DLC1: variants seen among roughly 807,000 people sequenced by gnomAD.
The protein encoded by DLC1 is DLC1 Rho GTPase activating protein, also known as rho GTPase-activating protein 7.
DLC1 carries 54 observed loss-of-function variants against 140.3 expected under a neutral mutation model. The ratio of observed to expected loss-of-function variants is 0.38; its 90% CI spans 0.31 to 0.48. The LOEUF is 0.48. Ranked by LOEUF, DLC1 falls within the 20% of genes least tolerant of loss-of-function variation. DLC1 has a pLI of 0.96. For missense variants in DLC1, 2,536 were observed against 1,907.0 expected, an observed-to-expected ratio of 1.33 and a Z score of -6.14; for synonymous variants, 986 against 728.1, an observed-to-expected ratio of 1.35 and a Z score of -5.70.
At chr8:13,157,648 TA>T (rs1824350630) in intron 5 of DLC1, among the ~76,000 whole-genome samples, 4 of 152,178 alleles carry the variant, frequency 2.6e-5, no homozygotes, top group Non-Finnish European at 5.9e-5. Flanking sequence ...GGCAGAGGTC[TA>T]AAAAGGGATG....
intron 2 of DLC1, among the ~76,000 whole-genome samples, chr8:13,444,315 G>A (rs981935123): frequency 6.6e-6 from 1 of 152,094 alleles, no homozygotes; most frequent in African/African-American, 2.4e-5. Context: ...TGCGGGTTGG[G>A]GGAGGGATAG....
chr8:13,393,745 G>C (rs770786686), intron 3 of DLC1, 52 bp from the exon 4 acceptor site: 2 of 1,571,350 alleles, frequency 1.3e-6, no homozygotes, highest in South Asian at 2.4e-5. Flanking sequence ...GTTCCCAAAT[G>C]CCCTTCTTCC....
At position 13,514,799 on chromosome 8, in the gene DLC1, G is replaced by C; in HGVS notation, c.-323C>G. The C allele has an allele frequency of 2.5e-6, 1 of 396,120 alleles. No homozygotes were observed. Among genetic ancestry groups the C allele is most frequent in the Non-Finnish European group, 4.4e-6 (1 of 224,846 alleles). The allele number at this position is 396,120 out of a possible 1,614,324, so 24.5% of individuals were successfully genotyped here. A position where few individuals can be genotyped will look rare whatever the true frequency, so the allele number is the denominator to read the frequency against. On this transcript the variant is annotated 5_prime_UTR_variant, in exon 1 of 18. Transcript: ENST00000276297. ...TGCAGCTGGAGGGAGCCTTAGCTAAGGCAGGATCCTGTCAAGGCATTCCTA... is the reference window on the plus strand; with the variant it reads ...TGCAGCTGGAGGGAGCCTTAGCTAACGCAGGATCCTGTCAAGGCATTCCTA...
chr8:13,096,588 G>C (rs2128934009), intron 10 of DLC1, among the ~76,000 whole-genome samples: 1 of 152,240 alleles, frequency 6.6e-6, no homozygotes, highest in South Asian at 2.1e-4. Flanking sequence ...TCCCCACCGA[G>C]AATCTGAAGC....
chr8:13,195,456 G>GT (rs1826992222), intron 5 of DLC1, among the ~76,000 whole-genome samples: 1 of 152,190 alleles, frequency 6.6e-6, no homozygotes, highest in Non-Finnish European at 1.5e-5. Flanking sequence ...GGAAGCGAGT[G>GT]TGAGTACAGC....
chr8:13,396,261 G>T (rs12679709), intron 3 of DLC1, among the ~76,000 whole-genome samples: 3 of 151,492 alleles, frequency 2.0e-5, no homozygotes, highest in Non-Finnish European at 4.4e-5. Flanking sequence ...GGGTTTCATC[G>T]TATTAGCCAG....
rs371483458 is a variant in DLC1, at chr8:13,579,433, ATACAT to A, written c.-126+25099_-126+25103del. Among the ~76,000 whole-genome samples the A allele has an allele frequency of 3.3e-3, 70 of 21,176 alleles. 11 individuals carry two copies. Among genetic ancestry groups the A allele is most frequent in the East Asian group, 0.017 (11 of 632 alleles). The allele number at this position is 21,176 out of a possible 152,430, so 13.9% of individuals were successfully genotyped here. ...TATTATATTTTATATTATATATTTA[ATACAT>A]TATATTTTATATTATATATTTAATA... On this transcript the variant is annotated intron_variant, in intron 1 of 1. Coordinates refer to the DLC1 transcript ENST00000631382.
chr8:13,091,334 C>A lies in DLC1; in HGVS notation c.3839G>T (p.Cys1280Phe), dbSNP rs1030158960. The A allele has an allele frequency of 6.2e-7, 1 of 1,614,046 alleles. No homozygotes were observed. The highest frequency in any genetic ancestry group is 1.7e-5 in the Admixed American group (1 of 59,968). ...TQGLAHMIAECKKLFQVPEEM... is the reference protein window; with the variant it reads ...TQGLAHMIAEFKKLFQVPEEM... ...ATTCCTTACCTGGAAAAGCTTCTTG[C>A]ACTCGGCGATCATATGGGCCAGCCC... Residue 1280 changes from cysteine (C) to phenylalanine (F), a missense_variant, in exon 14 of 18, where the codon TGC becomes TTC. Cys to Phe is a radical substitution (Grantham distance 205). Transcript: ENST00000276297.
chr8:13,205,734 A>G (rs188453009), intron 5 of DLC1, among the ~76,000 whole-genome samples: 4 of 152,324 alleles, frequency 2.6e-5, no homozygotes, highest in Non-Finnish European at 5.9e-5. Flanking sequence ...GACAAGCTTG[A>G]TTTAAATGTT....
Position 13,099,377 on chromosome 8 carries a change from C to G in DLC1, c.2960G>C (p.Gly987Ala). The G allele has an allele frequency of 1.9e-6, 3 of 1,614,042 alleles. No homozygotes were observed. The highest frequency in any genetic ancestry group is 2.5e-6 in the Non-Finnish European group (3 of 1,180,002). The change falls in exon 9 of 18, where the codon GGG becomes GCG. Residue 987 changes from glycine (G) to alanine (A), a missense_variant. Coordinates refer to ENST00000276297, the MANE Select transcript of DLC1 (RefSeq NM_182643.3). The part of the protein sequence containing the change: ...PSEIPERRDS[G>A]VGASLTRSNR... ...GGACCTGGTTAGGGAAGCCCCAACC[C>G]CAGAATCCCTTCTTTCCGGGATCTC...
intron 1 of DLC1, among the ~76,000 whole-genome samples, chr8:13,551,885 C>A (rs1427091184): frequency 8.8e-6 from 1 of 114,140 alleles, no homozygotes; most frequent in East Asian, 2.6e-4. Context: ...TATATATAGA[C>A]AGGTATATAT....
At chr8:13,179,694 C>G (rs1055512821) in intron 5 of DLC1, among the ~76,000 whole-genome samples, 1 of 152,026 alleles carries the variant, frequency 6.6e-6, no homozygotes, top group African/African-American at 2.4e-5. Flanking sequence ...GCATTCCAGC[C>G]TGGGCCACAG....
chr8:13,574,479 A>T (rs1284326900), intron 1 of DLC1, among the ~76,000 whole-genome samples: 1 of 152,096 alleles, frequency 6.6e-6, no homozygotes, highest in Non-Finnish European at 1.5e-5. Flanking sequence ...TGAGATTCTA[A>T]TACAGGTGAA....
At chr8:13,153,745 T>A (rs923990185) in intron 5 of DLC1, among the ~76,000 whole-genome samples, 1 of 151,814 alleles carries the variant, frequency 6.6e-6, no homozygotes, top group Non-Finnish European at 1.5e-5. Flanking sequence ...CACTGATTGG[T>A]GTGTTTACAA....
At chr8:13,141,260 A>AAAAAAAAACAAG (rs1822970097) in intron 5 of DLC1, among the ~76,000 whole-genome samples, 1 of 65,416 alleles carries the variant, frequency 1.5e-5, no homozygotes, top group African/African-American at 3.7e-5. Context: ...CTGTCTCAAA[A>AAAAAAAAACAAG]AAAAAAAAAA....
chr8:13,309,848 T>G (rs1227263431), intron 4 of DLC1, among the ~76,000 whole-genome samples: 1 of 152,194 alleles, frequency 6.6e-6, no homozygotes, highest in Non-Finnish European at 1.5e-5. Flanking sequence ...GTCTTGTCAA[T>G]TGAAACATTC....
At chr8:13,089,997 T>C (rs1446049002) in intron 15 of DLC1, among the ~76,000 whole-genome samples, 1 of 152,232 alleles carries the variant, frequency 6.6e-6, no homozygotes, top group Non-Finnish European at 1.5e-5. Flanking sequence ...TCTAGTGTGA[T>C]TCTGTAGAGC....
At chr8:13,339,352 G>C (rs1833938748) in intron 4 of DLC1, 1 of 152,206 alleles carries the variant, frequency 6.6e-6, no homozygotes, top group African/African-American at 2.4e-5. Flanking sequence ...GGCTTGTGAA[G>C]CAATTAGCAG....
At chr8:13,088,381 G>C (rs1817744670) in intron 16 of DLC1, 106 bp downstream of exon 16, 1 of 1,308,118 alleles carries the variant, frequency 7.6e-7, no homozygotes, top group South Asian at 1.5e-5. Flanking sequence ...CATATGCCCG[G>C]CCTCTACTTT....
Sources: gnomAD v4.1 joint callset for allele counts (sites outside exome capture counted in the v4.1 genomes callset) on GRCh38, gnomAD v4.1.1 for gene constraint, MANE v1.5 for transcripts, NCBI Gene and HGNC (gene_info 2026-07-23, HGNC 2026-07-21) for gene names.